Variants in RASEF observed in about 807,000 individuals in gnomAD.
The protein encoded by RASEF is RAS and EF-hand domain containing, also known as ras and EF-hand domain-containing protein.
A neutral mutation model predicts 90.1 loss-of-function variants in RASEF; 68 were observed. That is an observed-to-expected ratio of 0.75 (90% CI 0.62 to 0.92). The LOEUF is 0.92. Among genes scored for constraint, RASEF ranks in the 40% least tolerant of loss-of-function variants. RASEF has a pLI of 0.00. For missense variants in RASEF, 949 were observed against 937.2 expected, an observed-to-expected ratio of 1.01 and a Z score of -0.16; for synonymous variants, 331 against 345.2, an observed-to-expected ratio of 0.96 and a Z score of 0.46.
the RASEF span, among the ~76,000 whole-genome samples, chr9:83,192,753 G>GAA: frequency 1.2e-4 from 14 of 118,412 alleles, 1 homozygote; most frequent in Non-Finnish European, 1.6e-4. Flanking sequence ...ACCTTCACCA[G>GAA]AAAAAAAAAA....
chr9:83,083,081 A>T, the RASEF span, among the ~76,000 whole-genome samples: 3 of 152,116 alleles, frequency 2.0e-5, no homozygotes, highest in Non-Finnish European at 4.4e-5. Flanking sequence ...TGCATCCTCT[A>T]TCTAATATAT....
chr9:83,045,251 T>C (rs1231577170), intron 1 of RASEF, among the ~76,000 whole-genome samples: 2 of 152,356 alleles, frequency 1.3e-5, no homozygotes, highest in East Asian at 3.9e-4. Flanking sequence ...CTAATACAAG[T>C]GTCTTAAATC....
chr9:83,144,842 C>G, the RASEF span, among the ~76,000 whole-genome samples: 1 of 152,134 alleles, frequency 6.6e-6, no homozygotes, highest in Non-Finnish European at 1.5e-5. Flanking sequence ...CTATAAAACA[C>G]TTAATCAGTT....
chr9:82,990,262 T>G (rs1828788076), intron 16 of RASEF, 129 bp downstream of exon 16: 1 of 615,266 alleles, frequency 1.6e-6, no homozygotes. Context: ...ACATATTTAT[T>G]TCTCCCACCA....
intron 1 of RASEF, among the ~76,000 whole-genome samples, chr9:83,041,483 T>C (rs931552860): frequency 3.3e-5 from 5 of 152,224 alleles, no homozygotes; most frequent in Non-Finnish European, 5.9e-5. Flanking sequence ...AAATTAGTTG[T>C]AGAGATTTTC....
chr9:83,204,158 C>T, the RASEF span, among the ~76,000 whole-genome samples: 1 of 151,872 alleles, frequency 6.6e-6, no homozygotes, highest in African/African-American at 2.4e-5. Flanking sequence ...TAGAGATGGA[C>T]CAAGTATGGA....
At chr9:83,142,324 C>G in the RASEF span, among the ~76,000 whole-genome samples, 1 of 152,182 alleles carries the variant, frequency 6.6e-6, no homozygotes, top group African/African-American at 2.4e-5. Flanking sequence ...TTATATGCCA[C>G]GTTAAGTTGC....
the RASEF span, among the ~76,000 whole-genome samples, chr9:83,079,607 A>G: frequency 6.6e-6 from 1 of 152,194 alleles, no homozygotes; most frequent in Non-Finnish European, 1.5e-5. Context: ...GGAGATTACA[A>G]TTCAATATGA....
At chr9:83,007,612 T>G in intron 6 of RASEF, 107 bp from the exon 7 acceptor site, 1 of 805,754 alleles carries the variant, frequency 1.2e-6, no homozygotes, top group South Asian at 1.5e-5. Flanking sequence ...ACGAGTGTCC[T>G]TGGCCACAGT....
chr9:83,158,737 C>CATATACATATATGTATATATTTATGTAT, the RASEF span, among the ~76,000 whole-genome samples: 3 of 145,026 alleles, frequency 2.1e-5, no homozygotes, highest in Admixed American at 6.9e-5. Context: ...TATTTATGTA[C>CATATACATATATGTATATATTTATGTAT]ATATACATAT....
At chr9:82,998,527 C>A in intron 12 of RASEF, 81 bp from the exon 13 acceptor site, 1 of 898,874 alleles carries the variant, frequency 1.1e-6, no homozygotes, top group Non-Finnish European at 1.8e-6. Flanking sequence ...TTAGATGAAG[C>A]AAAAGCCAAT....
intron 14 of RASEF, among the ~76,000 whole-genome samples, chr9:82,996,504 G>C (rs79125666): frequency 1.3e-5 from 2 of 152,026 alleles, no homozygotes; most frequent in African/African-American, 4.8e-5. Context: ...CTGGTATTTC[G>C]GTAGTACCTT....
At chr9:83,024,504 C>T (rs955904983) in intron 2 of RASEF, among the ~76,000 whole-genome samples, 1 of 152,244 alleles carries the variant, frequency 6.6e-6, no homozygotes, top group African/African-American at 2.4e-5. Flanking sequence ...GTGTGTCTGC[C>T]TGTCCCATCT....
At chr9:83,119,193 AT>A in the RASEF span, among the ~76,000 whole-genome samples, 1 of 96,370 alleles carries the variant, frequency 1.0e-5, no homozygotes, top group Non-Finnish European at 2.2e-5. Context: ...TTTTTTTTGT[AT>A]TTTTGGTAGA....
At chr9:83,205,461 G>T in the RASEF span, among the ~76,000 whole-genome samples, 1 of 152,192 alleles carries the variant, frequency 6.6e-6, no homozygotes, top group South Asian at 2.1e-4. Flanking sequence ...CTTCCTCTGT[G>T]ACTATGCTCA....
chr9:83,098,925 T>C, the RASEF span, among the ~76,000 whole-genome samples: 1 of 152,288 alleles, frequency 6.6e-6, no homozygotes, highest in African/African-American at 2.4e-5. Context: ...AGCCAAACCA[T>C]ATCAGATGGT....
At chr9:83,124,698 G>T in the RASEF span, among the ~76,000 whole-genome samples, 41 of 152,238 alleles carry the variant, frequency 2.7e-4, no homozygotes, top group African/African-American at 9.6e-4. Flanking sequence ...CAGTTGTTAC[G>T]CAAAACTGGA....
the RASEF span, among the ~76,000 whole-genome samples, chr9:83,136,923 T>C: frequency 6.6e-6 from 1 of 152,102 alleles, no homozygotes; most frequent in African/African-American, 2.4e-5. Context: ...TTTGAAGCTG[T>C]CAATCATCCT....
chr9:83,158,322 AAG>A, the RASEF span, among the ~76,000 whole-genome samples: 19 of 152,162 alleles, frequency 1.2e-4, no homozygotes, highest in East Asian at 3.7e-3. Flanking sequence ...GATAATATTG[AAG>A]AAAAAATTAT....
Sources: gnomAD v4.1 joint callset for allele counts (sites outside exome capture counted in the v4.1 genomes callset) on GRCh38, gnomAD v4.1.1 for gene constraint, MANE v1.5 for transcripts, NCBI Gene and HGNC (gene_info 2026-07-23, HGNC 2026-07-21) for gene names.